SLC25A48: variants seen among roughly 807,000 people sequenced by gnomAD.
The protein encoded by SLC25A48 is solute carrier family 25 member 48, also known as CTC-321K16.1.
Under a neutral mutation model 32.2 loss-of-function variants are expected in SLC25A48, and 29 were observed. That is an observed-to-expected ratio of 0.90 (90% confidence interval 0.67 to 1.23). SLC25A48 has a LOEUF of 1.23. Among genes scored for constraint, SLC25A48 ranks in the 50% most tolerant of loss-of-function variants. The pLI, the probability that SLC25A48 is intolerant of heterozygous loss-of-function variation, is 0.00. For missense variants in SLC25A48, 399 were observed against 422.7 expected (o/e 0.94, Z 0.49); for synonymous variants, 164 against 172.3 (o/e 0.95, Z 0.38).
intron 3 of SLC25A48, among the ~76,000 whole-genome samples, chr5:135,764,971 T>G (rs1193864868): frequency 2.0e-5 from 3 of 151,930 alleles, no homozygotes; most frequent in Non-Finnish European, 2.9e-5. Flanking sequence ...TACATCTCCC[T>G]GTGATATGGT....
intron 1 of SLC25A48, among the ~76,000 whole-genome samples, chr5:135,603,011 A>AG (rs1580715422): frequency 2.0e-5 from 3 of 152,322 alleles, no homozygotes; most frequent in South Asian, 2.1e-4. Context: ...ACAGCTGAAA[A>AG]GTGCACACCT....
At chr5:135,882,871 A>G (rs1000545726) in intron 7 of SLC25A48, among the ~76,000 whole-genome samples, 1 of 152,192 alleles carries the variant, frequency 6.6e-6, no homozygotes, top group Admixed American at 6.5e-5. Flanking sequence ...AGGAAAGAAG[A>G]CATAGTGCTC....
chr5:135,745,372 T>C (rs1242802909), intron 3 of SLC25A48, among the ~76,000 whole-genome samples: 1 of 152,192 alleles, frequency 6.6e-6, no homozygotes, highest in Non-Finnish European at 1.5e-5. Context: ...GGGCCACGTG[T>C]TCCTTGCCCT....
At position 135,752,319 on chromosome 5, in the gene SLC25A48, C is replaced by T. The variant is rs182641595; in HGVS notation, c.-520-60204C>T. Among the ~76,000 whole-genome samples, 342 of 152,272 alleles carry T rather than the reference C, an allele frequency of 2.2e-3. 1 individual carries two copies. The highest frequency in any genetic ancestry group is 7.9e-3 in the African/African-American group (329 of 41,554). Reference sequence around the variant, plus strand: ...GGTGCAGTGGCTCACCCCTGTAATCCCAGCACTTTGGGAGGCCAAGGCAGG... The same window carrying T: ...GGTGCAGTGGCTCACCCCTGTAATCTCAGCACTTTGGGAGGCCAAGGCAGG... On this transcript the variant is annotated intron_variant, in intron 3 of 10. Transcript: ENST00000646290.
At chr5:135,717,915 G>A (rs189575916) in intron 3 of SLC25A48, among the ~76,000 whole-genome samples, 9 of 152,238 alleles carry the variant, frequency 5.9e-5, no homozygotes, top group African/African-American at 1.2e-4. Flanking sequence ...GGTAAACGGC[G>A]TCTCTCCTCT....
At chr5:135,841,070 G>A (rs541733759) in intron 1 of SLC25A48, among the ~76,000 whole-genome samples, 27 of 152,100 alleles carry the variant, frequency 1.8e-4, no homozygotes, top group Non-Finnish European at 3.7e-4. Context: ...CTACATCCTT[G>A]CCAACAGTTC....
chr5:135,707,166 A>T (rs1754535237), intron 3 of SLC25A48, among the ~76,000 whole-genome samples: 1 of 152,028 alleles, frequency 6.6e-6, no homozygotes, highest in Admixed American at 6.5e-5. Flanking sequence ...AGGGTCCTTT[A>T]TTCACTTCTG....
At chr5:135,824,926 C>T (rs552965600) in intron 4 of SLC25A48, 13 of 152,412 alleles carry the variant, frequency 8.5e-5, no homozygotes, top group African/African-American at 3.1e-4. Context: ...ACAGGCCCCT[C>T]TCAGGGCTGC....
chr5:135,627,401 C>T (rs1396153183), intron 1 of SLC25A48, among the ~76,000 whole-genome samples: 1 of 152,176 alleles, frequency 6.6e-6, no homozygotes, highest in East Asian at 1.9e-4. Context: ...CAGGTCATGA[C>T]TATGATTCTG....
At chr5:135,725,775 G>A (rs1311776662) in intron 3 of SLC25A48, among the ~76,000 whole-genome samples, 1 of 152,030 alleles carries the variant, frequency 6.6e-6, no homozygotes, top group Non-Finnish European at 1.5e-5. Context: ...TTACATCTCA[G>A]ATAGCTGTGT....
intron 1 of SLC25A48, among the ~76,000 whole-genome samples, chr5:135,589,247 T>C (rs1035223795): frequency 1.3e-5 from 2 of 152,196 alleles, no homozygotes; most frequent in African/African-American, 4.8e-5. Context: ...GCTAAATGAT[T>C]TTAAATTTGG....
rs532507384 is a variant in SLC25A48 at position 135,808,862 on chromosome 5, A to C, written c.-520-3661A>C. 9.2e-5 allele frequency among the ~76,000 whole-genome samples: 14 copies of C among 152,208 alleles called. No homozygotes were observed. The East Asian group carries it at 2.7e-3, about 29-fold the overall frequency. On this transcript the variant is annotated intron_variant, in intron 3 of 10. Transcript: ENST00000646290. ...ATTGAACATCATACTCTACTAACAA[A>C]GACCATTTGAGAGTTAGATTAATCT...
rs188688749 is a variant in SLC25A48, at chr5:135,809,982, C to T, written c.-520-2541C>T. ...CCTCCTATGTACCTGGGACCACAGGCGCAGGCCACTGTGCCCAGCTCGTTT... is the reference window on the plus strand; with the variant it reads ...CCTCCTATGTACCTGGGACCACAGGTGCAGGCCACTGTGCCCAGCTCGTTT... On this transcript the variant is annotated intron_variant, in intron 3 of 10. Coordinates refer to the SLC25A48 transcript ENST00000646290. Among the ~76,000 whole-genome samples the T allele has an allele frequency of 9.9e-5, 15 of 152,266 alleles. 1 individual carries two copies. The East Asian group carries it at 2.1e-3, about 22-fold the overall frequency.
intron 1 of SLC25A48, among the ~76,000 whole-genome samples, chr5:135,605,135 A>G (rs1751903313): frequency 6.6e-6 from 1 of 152,272 alleles, no homozygotes; most frequent in Non-Finnish European, 1.5e-5. Flanking sequence ...TATAATTTGT[A>G]ATAATGGCTA....
intron 3 of SLC25A48, among the ~76,000 whole-genome samples, chr5:135,851,058 T>C (rs1318144606): frequency 6.6e-6 from 1 of 152,190 alleles, no homozygotes; most frequent in African/African-American, 2.4e-5. Flanking sequence ...TTGTGGAATT[T>C]AGAATAAATT....
At chr5:135,810,082 C>T (rs1426499141) in intron 3 of SLC25A48, among the ~76,000 whole-genome samples, 2 of 152,174 alleles carry the variant, frequency 1.3e-5, no homozygotes, top group African/African-American at 4.8e-5. Flanking sequence ...GAGTGATCCT[C>T]GAGTCGCAGC....
chr5:135,801,624 T>C (rs1234044147), intron 3 of SLC25A48, among the ~76,000 whole-genome samples: 2 of 151,452 alleles, frequency 1.3e-5, no homozygotes, highest in Non-Finnish European at 3.0e-5. Context: ...TTTTTCATAA[T>C]ATCCAGGAGG....
chr5:135,661,616 G>A (rs1339683186), intron 3 of SLC25A48, among the ~76,000 whole-genome samples: 5 of 152,004 alleles, frequency 3.3e-5, no homozygotes, highest in Admixed American at 6.6e-5. Context: ...TTCCCTCCCC[G>A]GTCCTTTTCT....
chr5:135,625,802 T>C (rs1214980521), intron 1 of SLC25A48, among the ~76,000 whole-genome samples: 1 of 152,114 alleles, frequency 6.6e-6, no homozygotes, highest in Non-Finnish European at 1.5e-5. Flanking sequence ...CCTATAGTGC[T>C]GGCTATGACA....
Sources: allele counts gnomAD v4.1 joint callset (sites outside exome capture counted in the v4.1 genomes callset), GRCh38; gene constraint gnomAD v4.1.1; transcripts MANE v1.5; gene names NCBI Gene and HGNC (gene_info 2026-07-23, HGNC 2026-07-21).